Variants in PRKG1 observed in about 807,000 individuals in gnomAD.
PRKG1 encodes protein kinase cGMP-dependent 1, also known as cGMP-dependent protein kinase 1.
A neutral mutation model predicts 88.1 loss-of-function variants in PRKG1; 35 were observed. The observed-to-expected ratio is 0.40, with a 90% confidence interval of 0.30 to 0.53. PRKG1 has a LOEUF of 0.53. Ranked by LOEUF, PRKG1 falls within the 20% of genes least tolerant of loss-of-function variation. PRKG1 has a pLI of 0.59. For missense variants in PRKG1, 540 were observed against 839.8 expected (o/e 0.64, Z 4.41); for synonymous variants, 303 against 292.5 (o/e 1.04, Z -0.37).
At chr10:51,035,874 C>CTTTATTTA (rs369483340) in intron 1 of PRKG1, among the ~76,000 whole-genome samples, 67 of 151,792 alleles carry the variant, frequency 4.4e-4, no homozygotes, top group African/African-American at 1.5e-3. Context: ...GAGTACATAC[C>CTTTATTTA]TTTATTTATT....
chr10:51,837,404 T>G (rs537994275), intron 4 of PRKG1, among the ~76,000 whole-genome samples: 1 of 152,282 alleles, frequency 6.6e-6, no homozygotes, highest in South Asian at 2.1e-4. Context: ...TTCAGATACT[T>G]TATGTTCTGA....
intron 3 of PRKG1, among the ~76,000 whole-genome samples, chr10:51,759,330 G>A (rs867104238): frequency 4.6e-5 from 7 of 151,840 alleles, no homozygotes; most frequent in South Asian, 2.1e-4. Flanking sequence ...GTGATGGTGC[G>A]ATCTCGGCTC....
At chr10:51,952,599 A>G (rs1420391005) in intron 5 of PRKG1, among the ~76,000 whole-genome samples, 2 of 152,226 alleles carry the variant, frequency 1.3e-5, no homozygotes, top group Non-Finnish European at 2.9e-5. Context: ...TGCTTAATAA[A>G]TATTAAGTGT....
At chr10:52,034,167 CAG>C (rs1416540042) in intron 5 of PRKG1, among the ~76,000 whole-genome samples, 2 of 152,082 alleles carry the variant, frequency 1.3e-5, no homozygotes, top group African/African-American at 2.4e-5. Context: ...GTGCAAATCA[CAG>C]GGGATGCCAT....
intron 9 of PRKG1, among the ~76,000 whole-genome samples, chr10:52,217,391 T>C (rs373954894): frequency 1.3e-5 from 2 of 151,922 alleles, no homozygotes; most frequent in South Asian, 2.1e-4. Context: ...CACACACTTA[T>C]ATATGTATAA....
chr10:51,962,286 A>C (rs1843465948), intron 5 of PRKG1, among the ~76,000 whole-genome samples: 1 of 152,118 alleles, frequency 6.6e-6, no homozygotes, highest in Non-Finnish European at 1.5e-5. Flanking sequence ...GGTGGGTGGG[A>C]ACACTAGTCT....
chr10:51,071,896 C>T (rs576049169), upstream of PRKG1, among the ~76,000 whole-genome samples: 22 of 152,232 alleles, frequency 1.4e-4, no homozygotes, highest in East Asian at 3.7e-3. Flanking sequence ...TATTTGTTTT[C>T]ACTTTAAAAA....
intron 3 of PRKG1, among the ~76,000 whole-genome samples, chr10:51,555,252 A>G (rs1478319482): frequency 6.6e-6 from 1 of 151,928 alleles, no homozygotes; most frequent in Non-Finnish European, 1.5e-5. Context: ...AAAACTCACT[A>G]ATCAGATTGA....
chr10:51,929,187 CAAG>C (rs1160768003), intron 5 of PRKG1, among the ~76,000 whole-genome samples: 1 of 152,028 alleles, frequency 6.6e-6, no homozygotes, highest in African/African-American at 2.4e-5. Context: ...ATCAATGGAT[CAAG>C]AAGGAGTTTT....
chr10:51,692,945 G>T (rs1469223017), intron 3 of PRKG1, among the ~76,000 whole-genome samples: 1 of 151,818 alleles, frequency 6.6e-6, no homozygotes, highest in African/African-American at 2.4e-5. Context: ...TATGATTAAA[G>T]GGTAGTTACC....
chr10:52,187,827 C>T (rs12258629), intron 9 of PRKG1, among the ~76,000 whole-genome samples: 35,239 of 151,818 alleles, frequency 0.23, 6,126 homozygotes, highest in African/African-American at 0.49. Context: ...ACTATGTCAG[C>T]TGATAAGGTA....
intron 5 of PRKG1, among the ~76,000 whole-genome samples, chr10:51,957,972 A>C (rs1843353744): frequency 6.6e-6 from 1 of 152,180 alleles, no homozygotes; most frequent in Non-Finnish European, 1.5e-5. Flanking sequence ...TGAATGAATA[A>C]TAATGTAAAG....
chr10:51,531,719 A>G (rs1420106754), intron 3 of PRKG1, among the ~76,000 whole-genome samples: 1 of 128,454 alleles, frequency 7.8e-6, no homozygotes, highest in East Asian at 2.3e-4. Flanking sequence ...ATCTCAGCTC[A>G]CTGCAACCTC....
chr10:51,497,717 T>C (rs574941234), intron 3 of PRKG1, among the ~76,000 whole-genome samples: 1 of 152,298 alleles, frequency 6.6e-6, no homozygotes, highest in African/African-American at 2.4e-5. Context: ...TATGATCCTG[T>C]CTATTCTCTG....
At chr10:51,714,019 G>A (rs1841824144) in intron 3 of PRKG1, among the ~76,000 whole-genome samples, 1 of 151,888 alleles carries the variant, frequency 6.6e-6, no homozygotes, top group Non-Finnish European at 1.5e-5. Flanking sequence ...TCACTCTGTT[G>A]CCCAGACTGG....
intron 3 of PRKG1, among the ~76,000 whole-genome samples, chr10:51,497,627 T>C (rs957829255): frequency 6.6e-6 from 1 of 152,220 alleles, no homozygotes; most frequent in Admixed American, 6.5e-5. Flanking sequence ...TCTGTGTTGA[T>C]ATTTCTGACA....
chr10:52,290,192 A>T (rs1420011587), intron 16 of PRKG1, 32 bp from the exon 17 acceptor site: 2 of 1,595,934 alleles, frequency 1.3e-6, no homozygotes, highest in East Asian at 4.5e-5. Flanking sequence ...GCTGACACAA[A>T]ATGTTTTTAT....
chr10:52,119,367 T>C (rs1847762937), intron 7 of PRKG1, among the ~76,000 whole-genome samples: 1 of 152,166 alleles, frequency 6.6e-6, no homozygotes, highest in African/African-American at 2.4e-5. Context: ...ATATACCAAG[T>C]TGGCAATAGA....
At chr10:52,060,659 G>T (rs1846215436) in intron 6 of PRKG1, among the ~76,000 whole-genome samples, 1 of 151,730 alleles carries the variant, frequency 6.6e-6, no homozygotes, top group Non-Finnish European at 1.5e-5. Context: ...ATTAAGTATT[G>T]ATAACAATAT....
Sources: allele counts gnomAD v4.1 joint callset (sites outside exome capture counted in the v4.1 genomes callset), GRCh38; gene constraint gnomAD v4.1.1; transcripts MANE v1.5; gene names NCBI Gene and HGNC (gene_info 2026-07-23, HGNC 2026-07-21).